The following MAP9 variants were observed in gnomAD, a reference collection of about 807,000 sequenced individuals.
The protein encoded by MAP9 is microtubule-associated protein 9.
Under a neutral mutation model 75.2 loss-of-function variants are expected in MAP9, and 80 were observed. That is an observed-to-expected ratio of 1.06 (90% CI 0.89 to 1.28). MAP9 has a LOEUF of 1.28. MAP9 is among the 50% of genes most tolerant of loss of function. The pLI is 0.00. For missense variants in MAP9, 753 were observed against 719.9 expected, an observed-to-expected ratio of 1.05 and a Z score of -0.53; for synonymous variants, 235 against 237.3, an observed-to-expected ratio of 0.99 and a Z score of 0.09.
At chr4:155,352,325 G>T in intron 13 of MAP9, 1 of 302,058 alleles carries the variant, frequency 3.3e-6, no homozygotes, top group Non-Finnish European at 6.1e-6. Context: ...GAATGGGCAT[G>T]AATAGTAAAT....
At chr4:155,364,799 T>C (rs1732250524) in intron 5 of MAP9, among the ~76,000 whole-genome samples, 1 of 151,294 alleles carries the variant, frequency 6.6e-6, no homozygotes, top group African/African-American at 2.4e-5. Context: ...CAATACAATA[T>C]CAATTCTAAA....
rs1424506207 is a variant in MAP9, at chr4:155,376,802, C to G, written c.-96G>C. The G allele has an allele frequency of 1.3e-5, 2 of 152,668 alleles. No individual in the cohort carries two copies. Among genetic ancestry groups the G allele is most frequent in the Non-Finnish European group, 1.5e-5 (1 of 68,058 alleles). The allele number at this position is 152,668 out of a possible 1,614,324, so 9.5% of individuals were successfully genotyped here. A position where few individuals can be genotyped will look rare whatever the true frequency, so the allele number is the denominator to read the frequency against. On this transcript the variant is annotated 5_prime_UTR_variant, in exon 1 of 14. Transcript: ENST00000311277. ...CTGGGCCTGGCGGCGCCCGCAGAGC[C>G]GGTCCTGGACCGAGCGAGGAGGAGG...
At chr4:155,352,824 T>C in intron 12 of MAP9, 88 bp downstream of exon 12, 3 of 1,413,152 alleles carry the variant, frequency 2.1e-6, no homozygotes, top group South Asian at 1.4e-5. Context: ...TGAAATGCAT[T>C]ACTAAATTTC....
rs747740175 is a variant in MAP9, at chr4:155,373,402, T to C, written c.215A>G (p.Lys72Arg). ...TSADENSVNK[K>R]MNDFHISDDE... is the part of the protein sequence containing the mutation. Reference sequence around the variant, plus strand: ...ATCTGATATATGAAAGTCATTCATTTTTTTATTAACTGAATTTTCATCTGC... The same window carrying C: ...ATCTGATATATGAAAGTCATTCATTCTTTTATTAACTGAATTTTCATCTGC... The change falls in exon 4 of 14, where the codon AAA becomes AGA. Residue 72 changes from lysine to arginine, a missense_variant. Physicochemically the swap from Lys to Arg is conservative, Grantham distance 26. Transcript: ENST00000311277. 1 of 1,597,856 alleles carries C rather than the reference T, an allele frequency of 6.3e-7. No individual in the cohort carries two copies. Among genetic ancestry groups the C allele is most frequent in the South Asian group, 1.2e-5 (1 of 86,562 alleles).
chr4:155,372,020 AAG>A (rs1203035303), intron 4 of MAP9, among the ~76,000 whole-genome samples: 2 of 152,310 alleles, frequency 1.3e-5, no homozygotes, highest in Non-Finnish European at 1.5e-5. Flanking sequence ...CAGGAATAGA[AAG>A]AGGGTTATTT....
chr4:155,375,826 T>C lies in MAP9; in HGVS notation c.25A>G (p.Thr9Ala). ...TTTGGACTCTTTGTATATGCCAAAG[T>C]GGTGCTAAAAACTTCATCAGACATA... MSDEVFST[T>A]LAYTKSPKVT... Residue 9 changes from threonine to alanine, a missense_variant, in exon 2 of 14, where the codon ACT (threonine) becomes GCT (alanine). Thr to Ala is a moderately conservative substitution (Grantham distance 58, BLOSUM62 0). Transcript: ENST00000311277. The C allele has an allele frequency of 6.2e-7, 1 of 1,610,628 alleles. No homozygotes were observed. The highest frequency in any genetic ancestry group is 8.5e-7 in the Non-Finnish European group (1 of 1,178,090).
At position 155,360,338 on chromosome 4, in the gene MAP9, G is replaced by T. The variant is rs141328797; in HGVS notation, c.880C>A (p.His294Asn). The T allele has an allele frequency of 1.1e-4, 185 of 1,612,726 alleles. No individual in the cohort carries two copies. The African/African-American group carries it at 2.3e-3, about 20-fold the overall frequency. The change falls in exon 7 of 14, where the codon CAT becomes AAT. Residue 294 changes from histidine to asparagine, a missense_variant. Coordinates refer to ENST00000311277, the MANE Select transcript of MAP9 (RefSeq NM_001039580.2). ...ENKENSFSADHVTTAVEKSKE... is the reference protein window; with the variant it reads ...ENKENSFSADNVTTAVEKSKE... ...GATTTCTCAACTGCAGTAGTCACAT[G>T]GTCTGCTGAAAATGAATTCTCTTTA...
rs570194763 is a variant in MAP9, at chr4:155,357,695, C to T, written c.1051-176G>A. Among the ~76,000 whole-genome samples, 12 of 152,066 alleles carry T rather than the reference C, an allele frequency of 7.9e-5. No homozygotes were observed. In the East Asian group the frequency reaches 2.1e-3, roughly 27 times the overall value. On this transcript the variant is annotated intron_variant, in intron 7 of 13. Transcript: ENST00000311277. ...CCTTAAGAATATTAAATTCTAGAGA[C>T]GGATGACCAAAAATAAATATATAAG...
intron 4 of MAP9, 103 bp downstream of exon 4, chr4:155,373,033 T>C: frequency 1.4e-6 from 1 of 733,594 alleles, no homozygotes; most frequent in Non-Finnish European, 2.1e-6. Context: ...TAAGTCTGTC[T>C]TTTTTTCTTA....
At chr4:155,370,899 A>T (rs563334751) in intron 4 of MAP9, among the ~76,000 whole-genome samples, 1 of 152,148 alleles carries the variant, frequency 6.6e-6, no homozygotes, top group East Asian at 1.9e-4. Context: ...AAATATGTGA[A>T]CTCATTTAAT....
intron 5 of MAP9, among the ~76,000 whole-genome samples, chr4:155,366,191 T>C (rs534862174): frequency 7.8e-4 from 119 of 152,054 alleles, no homozygotes; most frequent in African/African-American, 2.8e-3. Context: ...AAACCCCGTC[T>C]CTACTAAAAA....
At position 155,345,606 on chromosome 4, in the gene MAP9, G is replaced by GTAAT. The variant is rs1731257047; in HGVS notation, c.*2173_*2176dup. The GTAAT allele has an allele frequency of 1.3e-5, 2 of 151,992 alleles. No individual in the cohort carries two copies. The highest frequency in any genetic ancestry group is 4.8e-5 in the African/African-American group (2 of 41,384). 9.4% of individuals were successfully genotyped at this position (151,992 alleles called of 1,614,324 possible). A position where few individuals can be genotyped will look rare whatever the true frequency, so the allele number is the denominator to read the frequency against. On this transcript the variant is annotated 3_prime_UTR_variant, in exon 14 of 14. Transcript: ENST00000311277. ...TGAATGGGGAAATGTAGGGCTCATG[G>GTAAT]TAATAAATCAATAATGACAACAATG...
chr4:155,361,937 C>T (rs1732099667), intron 6 of MAP9, 111 bp downstream of exon 6: 1 of 691,950 alleles, frequency 1.4e-6, no homozygotes. Flanking sequence ...AACTCAAACA[C>T]ATAAAAACAT....
In MAP9 at chr4:155,362,144, G is replaced by T; in HGVS notation, c.709-3C>A. 1 of 1,529,724 alleles carries T rather than the reference G, an allele frequency of 6.5e-7. No individual in the cohort carries two copies. The highest frequency in any genetic ancestry group is 8.8e-7 in the Non-Finnish European group (1 of 1,133,348). The allele number at this position is 1,529,724 out of a possible 1,614,324, so 94.8% of individuals were successfully genotyped here. A position where few individuals can be genotyped will look rare whatever the true frequency, so the allele number is the denominator to read the frequency against. On this transcript the variant is annotated splice_polypyrimidine_tract_variant and splice_region_variant and intron_variant, in intron 5 of 13. Transcript: ENST00000311277. ...GCTAGACTTGTTAAGCATGAATCCT[G>T]TTTTCGCAAAAAAAAATACATTTGC...
In MAP9 at chr4:155,362,116, G is replaced by A. The variant is rs752533312; in HGVS notation, c.734C>T (p.Ser245Leu). 9.4e-6 allele frequency: 15 copies of A among 1,591,450 alleles called. No homozygotes were observed. The East Asian group carries it at 3.1e-4, about 33-fold the overall frequency. The stretch of plus-strand genomic sequence containing the variant: ...TCCAAGAATTTGTTTAAGTGATGAT[G>A]ATGCTAGACTTGTTAAGCATGAATC... ...PEDSCLTSLASSSLKQILGDS... is the reference protein window; with the variant it reads ...PEDSCLTSLALSSLKQILGDS... Residue 245 changes from serine (S) to leucine (L), a missense_variant, in exon 6 of 14, where the codon TCA (serine) becomes TTA (leucine). By Grantham distance (145) the Ser-to-Leu change is moderately radical (BLOSUM62 -2). Transcript: ENST00000311277.
chr4:155,376,896 G>A lies in MAP9; in HGVS notation c.-190C>T. 1 of 152,806 alleles carries A rather than the reference G, an allele frequency of 6.5e-6. No homozygotes were observed. Among genetic ancestry groups the A allele is most frequent in the Non-Finnish European group, 1.5e-5 (1 of 68,124 alleles). 9.5% of individuals were successfully genotyped at this position (152,806 alleles called of 1,614,324 possible). On this transcript the variant is annotated 5_prime_UTR_variant, in exon 1 of 14. Transcript: ENST00000311277. ...TTCGGGAGGAAGTGACTTCCCCACC[G>A]CCGGGTCTCTCGGGTACCCAACACC...
At chr4:155,363,870 A>C (rs1732202105) in intron 5 of MAP9, among the ~76,000 whole-genome samples, 1 of 152,150 alleles carries the variant, frequency 6.6e-6, no homozygotes, top group Non-Finnish European at 1.5e-5. Context: ...GATCAGTGAG[A>C]TATAGCACAA....
intron 4 of MAP9, 90 bp downstream of exon 4, chr4:155,373,046 T>C (rs1732671054): frequency 1.5e-5 from 12 of 811,134 alleles, no homozygotes; most frequent in Non-Finnish European, 2.2e-5. Context: ...TTTTCTTAAA[T>C]ATATACTAGC....
Position 155,344,244 on chromosome 4 carries a change from A to G in MAP9, c.*3539T>C, listed in dbSNP as rs1295384009. ...TTATGAAGGCAGCAGTGGAGGAGTA[A>G]GGAGATAAATAAGAGGACATGAATC... On this transcript the variant is annotated 3_prime_UTR_variant, in exon 14 of 14. Coordinates refer to ENST00000311277, the MANE Select transcript of MAP9 (RefSeq NM_001039580.2). 6.6e-6 allele frequency: 1 copy of G among 151,940 alleles called. No individual in the cohort carries two copies. The highest frequency in any genetic ancestry group is 1.5e-5 in the Non-Finnish European group (1 of 67,826). 9.4% of individuals were successfully genotyped at this position (151,940 alleles called of 1,614,324 possible). A position where few individuals can be genotyped will look rare whatever the true frequency, so the allele number is the denominator to read the frequency against.
Sources: gnomAD v4.1 joint callset for allele counts (sites outside exome capture counted in the v4.1 genomes callset) on GRCh38, gnomAD v4.1.1 for gene constraint, MANE v1.5 for transcripts, NCBI Gene and HGNC (gene_info 2026-07-23, HGNC 2026-07-21) for gene names.